HAVCR2: variants seen among roughly 807,000 people sequenced by gnomAD.
The protein encoded by HAVCR2 is hepatitis A virus cellular receptor 2, also known as T cell immunoglobulin mucin 3.
A neutral mutation model predicts 24.7 loss-of-function variants in HAVCR2; 13 were observed. That is an observed-to-expected ratio of 0.53 (90% CI 0.34 to 0.84). HAVCR2 has a LOEUF of 0.84. Ranked by LOEUF, HAVCR2 falls within the 40% of genes least tolerant of loss-of-function variation. The pLI, the probability that HAVCR2 is intolerant of heterozygous loss-of-function variation, is 0.01. For synonymous variants in HAVCR2, 154 were observed against 143.4 expected (o/e 1.07, Z -0.53); for missense variants, 343 against 371.2 (o/e 0.92, Z 0.62).
At chr5:157,091,047 A>T (rs1161835430) in intron 5 of HAVCR2, among the ~76,000 whole-genome samples, 2 of 152,230 alleles carry the variant, frequency 1.3e-5, no homozygotes, top group Non-Finnish European at 2.9e-5. Context: ...GCAGAAGAAG[A>T]TCTGAAAAGC....
chr5:157,108,356 C>T (rs186524348), intron 1 of HAVCR2, among the ~76,000 whole-genome samples: 6 of 151,950 alleles, frequency 3.9e-5, no homozygotes, highest in Non-Finnish European at 7.4e-5. Flanking sequence ...TGGTGGTGCA[C>T]GCCTGTGATC....
rs966697619 is a variant in HAVCR2, at chr5:157,086,206, T to C, written c.*896A>G. On this transcript the variant is annotated 3_prime_UTR_variant, in exon 7 of 7. Coordinates refer to ENST00000307851, the MANE Select transcript of HAVCR2 (RefSeq NM_032782.5). ...GGGAGCTCCTGCCACATCTCAGCCC[T>C]GCAGGGCAGTCTTCATAAGGGAGAC... 1 of 152,356 alleles carries C rather than the reference T, an allele frequency of 6.6e-6. No individual in the cohort carries two copies. The highest frequency in any genetic ancestry group is 1.9e-4 in the East Asian group (1 of 5,180). 9.4% of individuals were successfully genotyped at this position (152,356 alleles called of 1,614,324 possible).
chr5:157,092,468 T>C (rs966763929), intron 5 of HAVCR2, among the ~76,000 whole-genome samples: 1 of 151,916 alleles, frequency 6.6e-6, no homozygotes, highest in Non-Finnish European at 1.5e-5. Context: ...TTTTTTGAGA[T>C]GGAGTTTCAC....
Position 157,106,755 on chromosome 5 carries a change from C to G in HAVCR2, c.266G>C (p.Arg89Pro). The G allele has an allele frequency of 6.2e-7, 1 of 1,614,174 alleles. No homozygotes were observed. The highest frequency in any genetic ancestry group is 2.2e-5 in the East Asian group (1 of 44,872). Residue 89 changes from arginine (R) to proline (P), a missense_variant, in exon 2 of 7, where the codon CGC becomes CCC. Physicochemically the swap from Arg to Pro is moderately radical, Grantham distance 103. Transcript: ENST00000307851. ...TATGGTCAGGGACACATCTCCTTTG[C>G]GGAAATCCCCATTTAGCCAGTATCT... is the stretch of plus-strand genomic sequence containing the variant. ...TSRYWLNGDF[R>P]KGDVSLTIEN... is the part of the protein sequence containing the mutation.
intron 4 of HAVCR2, among the ~76,000 whole-genome samples, chr5:157,096,165 G>A (rs1727901733): frequency 6.7e-6 from 1 of 150,126 alleles, no homozygotes. Context: ...GGCAAAGACT[G>A]GAGTACTCGA....
chr5:157,100,194 G>A (rs1453056214), intron 3 of HAVCR2, among the ~76,000 whole-genome samples: 3 of 152,218 alleles, frequency 2.0e-5, no homozygotes, highest in Non-Finnish European at 4.4e-5. Context: ...AGTAGAGACT[G>A]TTAGTCCCAT....
chr5:157,098,871 T>C lies in HAVCR2; in HGVS notation c.509A>G (p.Asp170Gly), dbSNP rs182081536. ...AAAGTTACTTACTGTTAGATTTATA[T>C]CAGGGAGGCTCCCCAGTGTCTGTGT... The part of the protein sequence containing the change: ...AETQTLGSLP[D>G]INLTQISTLA... Residue 170 changes from aspartate to glycine, a missense_variant, in exon 4 of 7, where the codon GAT (aspartate) becomes GGT (glycine). Asp to Gly is a moderately conservative substitution (Grantham distance 94). Transcript: ENST00000307851. The C allele has an allele frequency of 5.0e-6, 8 of 1,613,008 alleles. No homozygotes were observed. Among genetic ancestry groups the C allele is most frequent in the African/African-American group, 1.3e-5 (1 of 74,846 alleles).
In HAVCR2 at chr5:157,104,665, C is replaced by T. The variant is rs1305630710; in HGVS notation, c.478+1G>A. 1.3e-6 allele frequency: 2 copies of T among 1,597,064 alleles called. No individual in the cohort carries two copies. Among genetic ancestry groups the T allele is most frequent in the Non-Finnish European group, 1.7e-6 (2 of 1,169,522 alleles). ...CCCTCCTCTGCCCCATGCATAGTTA[C>T]CTGGGCCATGTCCCCTGGTGGTAAG... On this transcript the variant is annotated splice_donor_variant, in intron 3 of 6. Transcript: ENST00000307851. LOFTEE classifies it high-confidence loss of function.
intron 5 of HAVCR2, among the ~76,000 whole-genome samples, chr5:157,089,649 G>A (rs182129049): frequency 1.1e-3 from 162 of 152,250 alleles, no homozygotes; most frequent in Non-Finnish European, 1.7e-3. Flanking sequence ...ATAATAGAGA[G>A]GGTGGTCAGG....
At chr5:157,107,999 A>G (rs935148847) in intron 1 of HAVCR2, among the ~76,000 whole-genome samples, 10 of 151,882 alleles carry the variant, frequency 6.6e-5, no homozygotes, top group Non-Finnish European at 1.2e-4. Flanking sequence ...TGGCAAACAA[A>G]TCTCCTAAAA....
At chr5:157,090,999 A>C (rs1221466650) in intron 5 of HAVCR2, among the ~76,000 whole-genome samples, 3 of 152,196 alleles carry the variant, frequency 2.0e-5, no homozygotes, top group African/African-American at 7.2e-5. Context: ...GTGCACCACC[A>C]TACCCAGCCC....
chr5:157,090,753 A>G (rs560989324), intron 5 of HAVCR2, among the ~76,000 whole-genome samples: 6 of 152,332 alleles, frequency 3.9e-5, no homozygotes, highest in African/African-American at 1.4e-4. Flanking sequence ...AGTAGAAATA[A>G]TGGTGTCTTG....
intron 3 of HAVCR2, among the ~76,000 whole-genome samples, chr5:157,101,257 A>C (rs1757162506): frequency 6.6e-6 from 1 of 152,242 alleles, no homozygotes; most frequent in South Asian, 2.1e-4. Flanking sequence ...TTTGCTATGA[A>C]AATGATCAGT....
At chr5:157,106,480 C>A (rs1303672316) in intron 2 of HAVCR2, 147 bp downstream of exon 2, 12 of 648,998 alleles carry the variant, frequency 1.8e-5, no homozygotes, top group Non-Finnish European at 3.2e-5. Flanking sequence ...CACTGAGCAT[C>A]ACCAATGGGG....
chr5:157,100,028 T>C (rs1757147432), intron 3 of HAVCR2, among the ~76,000 whole-genome samples: 1 of 152,170 alleles, frequency 6.6e-6, no homozygotes, highest in Non-Finnish European at 1.5e-5. Context: ...GTTTTGCATT[T>C]ACTCATGAGA....
chr5:157,107,384 G>C (rs189664955), intron 1 of HAVCR2: 1 of 162,448 alleles, frequency 6.2e-6, no homozygotes, highest in Non-Finnish European at 1.3e-5. Flanking sequence ...GCCAGGAAAC[G>C]GCCCGCCCAT....
At chr5:157,089,413 G>A (rs1354047927) in intron 5 of HAVCR2, among the ~76,000 whole-genome samples, 2 of 152,028 alleles carry the variant, frequency 1.3e-5, no homozygotes, top group African/African-American at 2.4e-5. Context: ...GCCCATGCCT[G>A]TAATCCCAGC....
chr5:157,097,556 G>A (rs1314031710), intron 4 of HAVCR2, among the ~76,000 whole-genome samples: 3 of 151,294 alleles, frequency 2.0e-5, no homozygotes, highest in Admixed American at 6.6e-5. Context: ...CACTGTGCCC[G>A]GCCTCCTCAA....
At chr5:157,107,862 C>T (rs905599004) in intron 1 of HAVCR2, among the ~76,000 whole-genome samples, 1 of 143,232 alleles carries the variant, frequency 7.0e-6, no homozygotes, top group Admixed American at 6.9e-5. Context: ...TTCCTCTGCC[C>T]CCCCCCCTTT....
Sources: gnomAD v4.1 joint callset for allele counts (sites outside exome capture counted in the v4.1 genomes callset) on GRCh38, gnomAD v4.1.1 for gene constraint, MANE v1.5 for transcripts, NCBI Gene and HGNC (gene_info 2026-07-23, HGNC 2026-07-21) for gene names.